The following VGLL4 variants were observed in gnomAD, a reference collection of about 807,000 sequenced individuals.
VGLL4 encodes vestigial like family member 4.
Under a neutral mutation model 21.0 loss-of-function variants are expected in VGLL4, and 7 were observed. That is an observed-to-expected ratio of 0.33 (90% CI 0.19 to 0.63). The LOEUF is 0.63. VGLL4 is among the 20% of genes least tolerant of loss of function. The probability of loss-of-function intolerance (pLI) is 0.78; values close to 1 mark genes in which losing one functional copy is unlikely to be tolerated. For missense variants in VGLL4, 394 were observed against 425.7 expected, an observed-to-expected ratio of 0.93 and a Z score of 0.66; for synonymous variants, 222 against 173.2, an observed-to-expected ratio of 1.28 and a Z score of -2.21.
At chr3:11,625,223 T>A (rs2075330103) in intron 1 of VGLL4, among the ~76,000 whole-genome samples, 1 of 152,222 alleles carries the variant, frequency 6.6e-6, no homozygotes, top group Admixed American at 6.5e-5. Context: ...TAACTAGATG[T>A]TAGCATCTGT....
upstream of VGLL4, among the ~76,000 whole-genome samples, chr3:11,645,133 C>T (rs939323155): frequency 8.2e-5 from 12 of 145,708 alleles, no homozygotes; most frequent in African/African-American, 3.0e-4. Context: ...GTTTACTGAA[C>T]GAGTGAACCA....
intron 2 of VGLL4, among the ~76,000 whole-genome samples, chr3:11,687,982 T>C (rs1408263744): frequency 1.3e-5 from 2 of 152,112 alleles, no homozygotes; most frequent in East Asian, 1.9e-4. Flanking sequence ...TTACATCTTA[T>C]TGTTTTTATC....
chr3:11,712,594 C>T (rs971988861), intron 1 of VGLL4, among the ~76,000 whole-genome samples: 4 of 151,964 alleles, frequency 2.6e-5, no homozygotes, highest in Non-Finnish European at 5.9e-5. Flanking sequence ...AATTGAGGCA[C>T]CAAGAATGGA....
At chr3:11,663,152 T>C (rs989592769) in intron 2 of VGLL4, among the ~76,000 whole-genome samples, 2 of 151,946 alleles carry the variant, frequency 1.3e-5, no homozygotes, top group African/African-American at 4.8e-5. Context: ...TAGAAAGCAG[T>C]AGAATATACG....
rs537217518 is a variant in VGLL4, at chr3:11,708,129, T to C, written c.-13-5082A>G. On this transcript the variant is annotated intron_variant, in intron 1 of 5. Coordinates refer to the VGLL4 transcript ENST00000273038. ...ACCTCTGTGTGTCTATTTCCTCATC[T>C]GGAAAATGGAGATATTAATATTACC... is the stretch of plus-strand genomic sequence containing the variant. Among the ~76,000 whole-genome samples the C allele has an allele frequency of 1.6e-3, 239 of 152,318 alleles. 2 individuals carry two copies. The highest frequency in any genetic ancestry group is 5.5e-3 in the African/African-American group (228 of 41,572).
chr3:11,615,310 A>G (rs1417301524), intron 1 of VGLL4, among the ~76,000 whole-genome samples: 1 of 152,172 alleles, frequency 6.6e-6, no homozygotes, highest in African/African-American at 2.4e-5. Context: ...CCTTTCATCT[A>G]AAGGAATTCT....
At chr3:11,626,711 C>G (rs1326949630) in intron 1 of VGLL4, among the ~76,000 whole-genome samples, 3 of 152,058 alleles carry the variant, frequency 2.0e-5, no homozygotes, top group Admixed American at 6.6e-5. Context: ...CTGAAACTTC[C>G]CAAACAGCCC....
At chr3:11,637,801 T>G (rs1010766072) in intron 1 of VGLL4, among the ~76,000 whole-genome samples, 18 of 152,298 alleles carry the variant, frequency 1.2e-4, no homozygotes, top group Admixed American at 7.8e-4. Flanking sequence ...CAACCACGGT[T>G]AGGATTTTGT....
chr3:11,581,076 T>A lies in VGLL4; in HGVS notation c.273-16057A>T, dbSNP rs543091313. Among the ~76,000 whole-genome samples, 17 of 151,738 alleles carry A rather than the reference T, an allele frequency of 1.1e-4. No homozygotes were observed. The South Asian group carries it at 1.5e-3, about 13-fold the overall frequency. On this transcript the variant is annotated intron_variant, in intron 2 of 4. Coordinates refer to ENST00000430365, the MANE Select transcript of VGLL4 (RefSeq NM_001128219.3). ...AATCTGCAACTCCTTTTTTTTTTTT[T>A]TTAAAAAAAAAGATAACTCTTTCTC...
intron 1 of VGLL4, among the ~76,000 whole-genome samples, chr3:11,622,493 A>G (rs1205099338): frequency 6.6e-6 from 1 of 152,042 alleles, no homozygotes; most frequent in Non-Finnish European, 1.5e-5. Flanking sequence ...CTTTAAAGCC[A>G]TGCTGACAAT....
At chr3:11,695,141 C>T (rs1390340783) in intron 2 of VGLL4, among the ~76,000 whole-genome samples, 4 of 151,028 alleles carry the variant, frequency 2.6e-5, no homozygotes, top group Non-Finnish European at 5.9e-5. Context: ...ACCTCTGCCT[C>T]CCAGGTTCAA....
At chr3:11,687,522 C>T (rs2076467612) in intron 2 of VGLL4, among the ~76,000 whole-genome samples, 1 of 152,096 alleles carries the variant, frequency 6.6e-6, no homozygotes, top group Non-Finnish European at 1.5e-5. Context: ...GTTACCCAGG[C>T]TGGTGTCAAA....
At chr3:11,624,213 G>A (rs975561681) in intron 1 of VGLL4, among the ~76,000 whole-genome samples, 3 of 152,162 alleles carry the variant, frequency 2.0e-5, no homozygotes, top group Admixed American at 6.5e-5. Flanking sequence ...GGACCCCCAC[G>A]ATATGTCATT....
chr3:11,599,206 T>C (rs978168642), intron 2 of VGLL4, among the ~76,000 whole-genome samples: 6 of 152,050 alleles, frequency 3.9e-5, no homozygotes, highest in African/African-American at 1.4e-4. Flanking sequence ...CAAGTAACAC[T>C]CAGAAGGACC....
chr3:11,586,677 A>G (rs2074368877), intron 2 of VGLL4, among the ~76,000 whole-genome samples: 2 of 152,216 alleles, frequency 1.3e-5, no homozygotes, highest in African/African-American at 4.8e-5. Context: ...ATATTATGCC[A>G]TTTTACACGA....
At chr3:11,625,827 T>G (rs2075342337) in intron 1 of VGLL4, among the ~76,000 whole-genome samples, 1 of 152,076 alleles carries the variant, frequency 6.6e-6, no homozygotes, top group African/African-American at 2.4e-5. Flanking sequence ...TCCATTTATA[T>G]GAAATGCCCA....
At chr3:11,716,083 C>A (rs2076915047) in intron 1 of VGLL4, among the ~76,000 whole-genome samples, 1 of 152,008 alleles carries the variant, frequency 6.6e-6, no homozygotes, top group Non-Finnish European at 1.5e-5. Flanking sequence ...GCAGGCAGAT[C>A]ACGAGGTCAG....
At chr3:11,607,739 C>T (rs1027302740) in intron 1 of VGLL4, among the ~76,000 whole-genome samples, 2 of 152,144 alleles carry the variant, frequency 1.3e-5, no homozygotes, top group African/African-American at 2.4e-5. Context: ...TTGTGAATTT[C>T]CCCAGAAATA....
chr3:11,607,891 T>G (rs2074980782), intron 1 of VGLL4, among the ~76,000 whole-genome samples: 1 of 152,238 alleles, frequency 6.6e-6, no homozygotes, highest in Non-Finnish European at 1.5e-5. Flanking sequence ...CATCAGATCC[T>G]ATAAAGCTGC....
Sources: gnomAD v4.1 joint callset for allele counts (sites outside exome capture counted in the v4.1 genomes callset) on GRCh38, gnomAD v4.1.1 for gene constraint, MANE v1.5 for transcripts, NCBI Gene and HGNC (gene_info 2026-07-23, HGNC 2026-07-21) for gene names.